Variants in RPH3A observed in about 807,000 individuals in gnomAD.
RPH3A encodes the protein rabphilin-3A.
Under a neutral mutation model 102.2 loss-of-function variants are expected in RPH3A, and 48 were observed. The observed-to-expected ratio is 0.47, with a 90% CI of 0.37 to 0.60. The LOEUF (loss-of-function observed/expected upper bound fraction) is 0.60, where lower values mean the gene tolerates loss of function less well. Among genes scored for constraint, RPH3A ranks in the 20% least tolerant of loss-of-function variants. RPH3A has a pLI of 0.00. For missense variants in RPH3A, 781 were observed against 910.1 expected (o/e 0.86, Z 1.83); for synonymous variants, 310 against 324.3 (o/e 0.96, Z 0.47).
At chr12:112,730,262 C>T (rs2040623238) in intron 1 of RPH3A, among the ~76,000 whole-genome samples, 1 of 152,236 alleles carries the variant, frequency 6.6e-6, no homozygotes, top group Non-Finnish European at 1.5e-5. Context: ...GCAGCCTGAG[C>T]AGACCAATGC....
At chr12:112,803,732 T>C (rs1267633095) in intron 2 of RPH3A, among the ~76,000 whole-genome samples, 1 of 152,186 alleles carries the variant, frequency 6.6e-6, no homozygotes. Context: ...ATGCAATGCA[T>C]GGACATCATT....
chr12:112,862,012 C>CAAAA (rs56918360), intron 5 of RPH3A, among the ~76,000 whole-genome samples: 1 of 78,494 alleles, frequency 1.3e-5, no homozygotes, highest in Non-Finnish European at 2.5e-5. Flanking sequence ...GACTCCGTCT[C>CAAAA]AAAAAAAAAA....
At chr12:112,740,016 C>T (rs2040697831) in intron 1 of RPH3A, among the ~76,000 whole-genome samples, 1 of 152,154 alleles carries the variant, frequency 6.6e-6, no homozygotes, top group African/African-American at 2.4e-5. Context: ...TCCCTTATAG[C>T]CTCAGCTCCC....
At chr12:112,811,734 C>G (rs549266423) in intron 2 of RPH3A, among the ~76,000 whole-genome samples, 2 of 152,230 alleles carry the variant, frequency 1.3e-5, no homozygotes, top group African/African-American at 4.8e-5. Context: ...GGCAAATTTG[C>G]AAATGTGGAA....
chr12:112,729,778 A>C lies in RPH3A; in HGVS notation c.-139-62365A>C, dbSNP rs538802037. Among the ~76,000 whole-genome samples, 3 of 152,334 alleles carry C rather than the reference A, an allele frequency of 2.0e-5. No individual in the cohort carries two copies. The South Asian group carries it at 6.2e-4, about 32-fold the overall frequency. ...TCTGCTACTCACATCCTGCATGGAC[A>C]TGGACATGTTATTTAGCCTTTCTGT... On this transcript the variant is annotated intron_variant, in intron 1 of 21. Coordinates refer to the RPH3A transcript ENST00000543106.
intron 1 of RPH3A, among the ~76,000 whole-genome samples, chr12:112,775,733 T>C (rs1428343129): frequency 1.3e-5 from 2 of 152,090 alleles, no homozygotes; most frequent in African/African-American, 2.4e-5. Context: ...TAATCATAGA[T>C]GCAAATGGTC....
At chr12:112,810,057 G>T (rs939229549) in intron 2 of RPH3A, among the ~76,000 whole-genome samples, 1 of 152,188 alleles carries the variant, frequency 6.6e-6, no homozygotes, top group Non-Finnish European at 1.5e-5. Flanking sequence ...AAACAGGCCT[G>T]CTGGGGACAT....
At chr12:112,601,044 G>A (rs1245523422) in intron 1 of RPH3A, among the ~76,000 whole-genome samples, 1 of 152,072 alleles carries the variant, frequency 6.6e-6, no homozygotes, top group African/African-American at 2.4e-5. Context: ...AACATGGGGG[G>A]AACCGCCCCC....
intron 1 of RPH3A, among the ~76,000 whole-genome samples, chr12:112,646,993 A>G (rs921866754): frequency 6.6e-6 from 1 of 152,176 alleles, no homozygotes; most frequent in African/African-American, 2.4e-5. Flanking sequence ...CTATGGGGGT[A>G]CTCTAAAGTG....
chr12:112,610,840 G>A (rs1469964980), intron 1 of RPH3A, among the ~76,000 whole-genome samples: 1 of 152,098 alleles, frequency 6.6e-6, no homozygotes, highest in Non-Finnish European at 1.5e-5. Context: ...GTTTCACCGT[G>A]TTAGCCAGGA....
intron 16 of RPH3A, among the ~76,000 whole-genome samples, chr12:112,887,303 G>T (rs1265228743): frequency 6.6e-6 from 1 of 152,216 alleles, no homozygotes; most frequent in African/African-American, 2.4e-5. Flanking sequence ...ATACTATGCA[G>T]CAATAAAAAG....
At chr12:112,594,627 A>G (rs191652637) in intron 1 of RPH3A, among the ~76,000 whole-genome samples, 120 of 152,332 alleles carry the variant, frequency 7.9e-4, no homozygotes, top group African/African-American at 2.7e-3. Flanking sequence ...CAGCAAAAAC[A>G]AAACAGATTC....
intron 5 of RPH3A, among the ~76,000 whole-genome samples, 174 bp downstream of exon 5, chr12:112,848,016 A>G (rs2042259827): frequency 2.6e-5 from 4 of 152,010 alleles, no homozygotes; most frequent in African/African-American, 9.7e-5. Flanking sequence ...CAGACGTGGG[A>G]TCTTTGTTGC....
intron 1 of RPH3A, among the ~76,000 whole-genome samples, chr12:112,667,702 GAGAGAGAGAGAGAGAGAGAA>G (rs1486597992): frequency 4.1e-4 from 59 of 142,662 alleles, no homozygotes; most frequent in African/African-American, 1.5e-3. Flanking sequence ...GAGAGAGAGA[GAGAGAGAGAGAGAGAGAGAA>G]ATTACTGGAA....
intron 2 of RPH3A, among the ~76,000 whole-genome samples, chr12:112,822,214 T>C (rs2041793586): frequency 6.6e-6 from 1 of 152,230 alleles, no homozygotes; most frequent in Admixed American, 6.5e-5. Flanking sequence ...TTGTCCAAAC[T>C]TGTGGCTGCA....
intron 1 of RPH3A, among the ~76,000 whole-genome samples, chr12:112,693,753 C>T (rs540669742): frequency 1.3e-5 from 2 of 152,340 alleles, no homozygotes; most frequent in African/African-American, 2.4e-5. Flanking sequence ...TGCTCCTCAC[C>T]ATCCCATTAT....
chr12:112,730,734 C>T (rs748614157), intron 1 of RPH3A, among the ~76,000 whole-genome samples: 8 of 152,134 alleles, frequency 5.3e-5, no homozygotes, highest in Non-Finnish European at 7.3e-5. Flanking sequence ...AATACCTGGC[C>T]GAGACGGTCA....
chr12:112,889,189 A>G (rs1453954558), intron 17 of RPH3A, among the ~76,000 whole-genome samples: 2 of 152,248 alleles, frequency 1.3e-5, no homozygotes, highest in Non-Finnish European at 2.9e-5. Flanking sequence ...ATAAATCCTT[A>G]AAGACATCCC....
chr12:112,770,423 A>G (rs1227463335), intron 1 of RPH3A, among the ~76,000 whole-genome samples: 1 of 151,770 alleles, frequency 6.6e-6, no homozygotes, highest in Non-Finnish European at 1.5e-5. Context: ...TTGGCTCACT[A>G]CAACTTCTGC....
Sources: gnomAD v4.1 joint callset for allele counts (sites outside exome capture counted in the v4.1 genomes callset) on GRCh38, gnomAD v4.1.1 for gene constraint, MANE v1.5 for transcripts, NCBI Gene and HGNC (gene_info 2026-07-23, HGNC 2026-07-21) for gene names.